The following DENND10 variants were observed in gnomAD, a reference collection of about 807,000 sequenced individuals.
DENND10 encodes DENN domain-containing protein 10.
A neutral mutation model predicts 43.6 loss-of-function variants in DENND10; 24 were observed. The ratio of observed to expected loss-of-function variants is 0.55; its 90% CI spans 0.40 to 0.77. The LOEUF (loss-of-function observed/expected upper bound fraction) is 0.77, where lower values mean the gene tolerates loss of function less well. DENND10 is among the 30% of genes least tolerant of loss of function. The pLI, the probability that DENND10 is intolerant of heterozygous loss-of-function variation, is 0.00. For missense variants in DENND10, 303 were observed against 429.9 expected (o/e 0.70, Z 2.61); for synonymous variants, 125 against 157.6 (o/e 0.79, Z 1.55).
chr10:119,113,456 CA>C (rs1465197721), intron 3 of DENND10, among the ~76,000 whole-genome samples: 1 of 151,284 alleles, frequency 6.6e-6, no homozygotes, highest in African/African-American at 2.4e-5. Context: ...CTTGGCTTTT[CA>C]AAGCGCTGAG....
chr10:119,122,554 C>T (rs1453364237), intron 5 of DENND10, among the ~76,000 whole-genome samples: 2 of 152,156 alleles, frequency 1.3e-5, no homozygotes, highest in Admixed American at 1.3e-4. Context: ...CCCATATTTT[C>T]TATCCCATCA....
At chr10:119,116,564 C>G (rs982052167) in intron 3 of DENND10, among the ~76,000 whole-genome samples, 22 of 152,164 alleles carry the variant, frequency 1.4e-4, no homozygotes, top group Non-Finnish European at 3.1e-4. Context: ...GTACTTCATT[C>G]TCCTGCCTTA....
At position 119,136,529 on chromosome 10, in the gene DENND10, C is replaced by A. The variant is rs771525073; in HGVS notation, c.956C>A (p.Ser319Ter). 5 of 1,591,820 alleles carry A rather than the reference C, an allele frequency of 3.1e-6. No homozygotes were observed. The East Asian group carries it at 6.7e-5, about 21-fold the overall frequency. The change falls in exon 9 of 9, where the codon TCG becomes TAG. Residue 319 changes from serine to a stop codon, truncating the protein, a stop_gained. Coordinates refer to ENST00000361432, the MANE Select transcript of DENND10 (RefSeq NM_207009.4). LOFTEE classifies it high-confidence loss of function. Reference sequence around the variant, plus strand: ...AACCTAGCACCGTTTTCAGAAGTTTCGGCTGATGGAGAAAAGAGAGTCCTT... The same window carrying A: ...AACCTAGCACCGTTTTCAGAAGTTTAGGCTGATGGAGAAAAGAGAGTCCTT... Reference protein sequence around the residue: ...FTNLAPFSEVSADGEKRVLNL... With the variant: ...FTNLAPFSEV
In DENND10 at chr10:119,136,441, T is replaced by C. The variant is rs752787040; in HGVS notation, c.898-30T>C. ...AATATTCAAATTTCGGATACTAACA[T>C]GTTGCATATATTTTCCTGTTCTATT... On this transcript the variant is annotated intron_variant, in intron 8 of 8. Coordinates refer to ENST00000361432, the MANE Select transcript of DENND10 (RefSeq NM_207009.4). 6 of 1,583,230 alleles carry C rather than the reference T, an allele frequency of 3.8e-6. No individual in the cohort carries two copies. The Admixed American group carries it at 9.7e-5, about 26-fold the overall frequency.
At chr10:119,131,457 C>CAAAT (rs367708148) in intron 7 of DENND10, among the ~76,000 whole-genome samples, 59 of 152,044 alleles carry the variant, frequency 3.9e-4, no homozygotes, top group East Asian at 3.1e-3. Context: ...GACTCTGTCT[C>CAAAT]AAATAAATAA....
intron 1 of DENND10, among the ~76,000 whole-genome samples, chr10:119,106,838 A>G (rs1012294787): frequency 1.3e-5 from 2 of 151,990 alleles, no homozygotes; most frequent in Non-Finnish European, 2.9e-5. Flanking sequence ...TGAGGTGGGG[A>G]GTTCGAGACC....
intron 3 of DENND10, among the ~76,000 whole-genome samples, chr10:119,117,091 C>T (rs566553448): frequency 7.2e-5 from 11 of 152,160 alleles, no homozygotes; most frequent in Non-Finnish European, 1.2e-4. Context: ...AGTAACTCAG[C>T]AGTAAGTGCA....
At position 119,107,988 on chromosome 10, in the gene DENND10, G is replaced by T; in HGVS notation, c.76G>T (p.Val26Phe). The T allele has an allele frequency of 6.2e-7, 1 of 1,614,038 alleles. No homozygotes were observed. The highest frequency in any genetic ancestry group is 1.1e-5 in the South Asian group (1 of 91,080). Residue 26 changes from valine to phenylalanine, a missense_variant, in exon 2 of 9, where the codon GTT (valine) becomes TTT (phenylalanine). Transcript: ENST00000361432. Reference protein sequence around the residue: ...GLIEKDTNGEVLWVWCYPSTT... With the variant: ...GLIEKDTNGEFLWVWCYPSTT... ...CGTAGAAAAGGACACAAATGGAGAA[G>T]TTCTGTGGGTGTGGTGTTATCCTTC... is the stretch of plus-strand genomic sequence containing the variant.
At chr10:119,111,002 C>T (rs1844946817) in intron 2 of DENND10, among the ~76,000 whole-genome samples, 1 of 151,974 alleles carries the variant, frequency 6.6e-6, no homozygotes, top group Non-Finnish European at 1.5e-5. Context: ...TGGCTGATGC[C>T]TGTAATCCCA....
intron 3 of DENND10, among the ~76,000 whole-genome samples, chr10:119,115,315 T>C (rs1002391281): frequency 6.6e-6 from 1 of 151,516 alleles, no homozygotes; most frequent in South Asian, 2.1e-4. Context: ...GTATTTTACA[T>C]GTGTGAAAGC....
chr10:119,117,325 T>C (rs529042215), intron 3 of DENND10, among the ~76,000 whole-genome samples, 194 bp from the exon 4 acceptor site: 20 of 151,916 alleles, frequency 1.3e-4, no homozygotes, highest in African/African-American at 4.8e-4. Flanking sequence ...TGAGCCAAGA[T>C]TGCACCGTTG....
intron 3 of DENND10, among the ~76,000 whole-genome samples, chr10:119,112,913 G>A (rs7072842): frequency 0.54 from 81,311 of 151,372 alleles, 22,506 homozygotes; most frequent in Middle Eastern, 0.66. Context: ...GCAGTGGGGC[G>A]ATCTTGGCTC....
At chr10:119,112,573 G>T (rs1366636028) in intron 3 of DENND10, among the ~76,000 whole-genome samples, 1 of 146,342 alleles carries the variant, frequency 6.8e-6, no homozygotes, top group South Asian at 2.2e-4. Context: ...GCTCACTGCA[G>T]TCTTGACCTC....
At chr10:119,121,311 A>T (rs1845562144) in intron 5 of DENND10, among the ~76,000 whole-genome samples, 1 of 149,702 alleles carries the variant, frequency 6.7e-6, no homozygotes, top group Non-Finnish European at 1.5e-5. Flanking sequence ...TTTTTTTTAT[A>T]TTTTTTGTCG....
chr10:119,115,169 G>A (rs1273046396), intron 3 of DENND10, among the ~76,000 whole-genome samples: 3 of 151,852 alleles, frequency 2.0e-5, no homozygotes, highest in African/African-American at 4.8e-5. Flanking sequence ...CTGAGCTGCC[G>A]CCTCCTCCTG....
intron 2 of DENND10, among the ~76,000 whole-genome samples, chr10:119,111,299 C>T (rs994130730): frequency 6.9e-6 from 1 of 145,168 alleles, no homozygotes; most frequent in East Asian, 2.0e-4. Flanking sequence ...AAAATATATA[C>T]ATCTATTATG....
chr10:119,104,234 C>A, intron 1 of DENND10, 37 bp downstream of exon 1: 1 of 1,493,582 alleles, frequency 6.7e-7, no homozygotes, highest in Admixed American at 2.4e-5. Context: ...AGCCCGCACC[C>A]TGGTTCTGCC....
At chr10:119,104,986 A>C (rs540096288) in intron 1 of DENND10, 1 of 152,218 alleles carries the variant, frequency 6.6e-6, no homozygotes, top group Non-Finnish European at 1.5e-5. Flanking sequence ...TTTCTACACA[A>C]TCCTGTGTGG....
intron 1 of DENND10, 88 bp from the exon 2 acceptor site, chr10:119,107,880 T>G (rs765241921): frequency 7.7e-5 from 95 of 1,232,262 alleles, no homozygotes; most frequent in Non-Finnish European, 1.0e-4. Context: ...ATGTTAAAAC[T>G]GATTCCACTA....
Sources: allele counts gnomAD v4.1 joint callset (sites outside exome capture counted in the v4.1 genomes callset), GRCh38; gene constraint gnomAD v4.1.1; transcripts MANE v1.5; gene names NCBI Gene and HGNC (gene_info 2026-07-23, HGNC 2026-07-21).